The following SLC9A4 variants were observed in gnomAD, a reference collection of about 807,000 sequenced individuals.
The protein encoded by SLC9A4 is solute carrier family 9 member A4, also known as sodium/hydrogen exchanger 4.
A neutral mutation model predicts 67.4 loss-of-function variants in SLC9A4; 63 were observed. The ratio of observed to expected loss-of-function variants is 0.93; its 90% CI spans 0.76 to 1.15. The LOEUF (loss-of-function observed/expected upper bound fraction) is 1.15. Ranked by LOEUF, SLC9A4 falls within the 50% of genes most tolerant of loss-of-function variation. SLC9A4 has a pLI of 0.00. For missense variants in SLC9A4, 1,089 were observed against 987.7 expected (o/e 1.10, Z -1.38); for synonymous variants, 393 against 367.2 (o/e 1.07, Z -0.80).
chr2:102,528,128 C>T (rs1674703295), intron 11 of SLC9A4, among the ~76,000 whole-genome samples: 1 of 152,132 alleles, frequency 6.6e-6, no homozygotes, highest in Admixed American at 6.6e-5. Context: ...CTGGCTCAGC[C>T]TCCCGAGTAG....
chr2:102,495,919 C>T (rs1270896483), intron 2 of SLC9A4, among the ~76,000 whole-genome samples: 4 of 151,912 alleles, frequency 2.6e-5, no homozygotes, highest in African/African-American at 4.8e-5. Context: ...TGGAAGAAAA[C>T]ATGGAAGTAA....
chr2:102,517,307 T>C (rs1685294389), intron 8 of SLC9A4, among the ~76,000 whole-genome samples: 1 of 152,190 alleles, frequency 6.6e-6, no homozygotes, highest in Admixed American at 6.5e-5. Context: ...TCTTAGCTGC[T>C]TAAAAAAAGA....
In SLC9A4 at chr2:102,505,269, A is replaced by T. The variant is rs1685026623; in HGVS notation, c.996A>T (p.Ala332=). The part of the protein sequence containing the change: ...LSGILAITAC[A]VTMKKYVEEN... ...CCTTTTATAGAATCACAGCCTGCGC[A>T]GTAACAATGAAAAAGTACGTGGAAG... Residue 332 remains alanine, a synonymous_variant, in exon 4 of 12, where the codon GCA becomes GCT. Coordinates refer to ENST00000295269, the MANE Select transcript of SLC9A4 (RefSeq NM_001011552.4). 1 of 1,614,122 alleles carries T rather than the reference A, an allele frequency of 6.2e-7. No homozygotes were observed. The highest frequency in any genetic ancestry group is 1.1e-5 in the South Asian group (1 of 91,052).
At chr2:102,492,090 A>G (rs1684714792) in intron 2 of SLC9A4, among the ~76,000 whole-genome samples, 1 of 152,248 alleles carries the variant, frequency 6.6e-6, no homozygotes, top group African/African-American at 2.4e-5. Flanking sequence ...GGTCTTGGGC[A>G]GCTCTGCCCC....
At chr2:102,499,918 T>C (rs982473676) in intron 2 of SLC9A4, among the ~76,000 whole-genome samples, 1 of 152,238 alleles carries the variant, frequency 6.6e-6, no homozygotes, top group Non-Finnish European at 1.5e-5. Flanking sequence ...AAATTATTTG[T>C]GCTCTGAGAG....
intron 4 of SLC9A4, among the ~76,000 whole-genome samples, chr2:102,506,819 C>T (rs1685060391): frequency 6.6e-6 from 1 of 152,122 alleles, no homozygotes; most frequent in African/African-American, 2.4e-5. Context: ...CATTGTTAAT[C>T]CTTCATGATC....
chr2:102,479,293 C>T lies in SLC9A4; in HGVS notation c.711C>T (p.Gly237=). ...TTGGGGAGGCCCTGCTCAATGATGG[C>T]ATTACTGTGGTGAGATGTCATGTGC... is the stretch of plus-strand genomic sequence containing the variant. ...MIFGEALLND[G]ITVVLYNMLI... The change falls in exon 2 of 12, where the codon GGC becomes GGT. Residue 237 remains glycine (G), a synonymous_variant. Coordinates refer to ENST00000295269, the MANE Select transcript of SLC9A4 (RefSeq NM_001011552.4). 1.2e-6 allele frequency: 2 copies of T among 1,608,504 alleles called. No homozygotes were observed. The highest frequency in any genetic ancestry group is 2.2e-5 in the East Asian group (1 of 44,802).
intron 2 of SLC9A4, among the ~76,000 whole-genome samples, chr2:102,492,417 C>T (rs557141711): frequency 3.3e-5 from 5 of 152,242 alleles, no homozygotes; most frequent in African/African-American, 9.6e-5. Context: ...GGCAGAGGTT[C>T]CCAAACCTCA....
intron 10 of SLC9A4, among the ~76,000 whole-genome samples, 172 bp downstream of exon 10, chr2:102,525,327 C>A (rs1472074300): frequency 6.6e-6 from 1 of 152,044 alleles, no homozygotes; most frequent in Non-Finnish European, 1.5e-5. Flanking sequence ...CCAGAGCAAC[C>A]TTTTTCTCTG....
intron 2 of SLC9A4, among the ~76,000 whole-genome samples, chr2:102,492,651 G>A (rs1158478145): frequency 6.6e-6 from 1 of 152,182 alleles, no homozygotes; most frequent in Non-Finnish European, 1.5e-5. Flanking sequence ...TAGGCCTCCA[G>A]CCATGTGATG....
chr2:102,515,419 A>AT (rs1487310360), intron 8 of SLC9A4, among the ~76,000 whole-genome samples: 152 of 148,302 alleles, frequency 1.0e-3, no homozygotes, highest in African/African-American at 2.9e-3. Context: ...ATCCCTGAGG[A>AT]TATCTCAGTA....
At chr2:102,501,277 A>G (rs1214826172) in intron 2 of SLC9A4, among the ~76,000 whole-genome samples, 3 of 92,764 alleles carry the variant, frequency 3.2e-5, no homozygotes, top group Non-Finnish European at 7.0e-5. Flanking sequence ...ACATGCCACC[A>G]TGGCTGGCTA....
Position 102,483,841 on chromosome 2 carries a change from T to TACACAC in SLC9A4, c.720+4545_720+4550dup, listed in dbSNP as rs34552153. ...ATATATATATATATATATATATATATACACACACACAATATACACACACAT... is the reference window on the plus strand; with the variant it reads ...ATATATATATATATATATATATATATACACACACACACACACAATATACACACACAT... On this transcript the variant is annotated intron_variant, in intron 2 of 11. Coordinates refer to ENST00000295269, the MANE Select transcript of SLC9A4 (RefSeq NM_001011552.4). Among the ~76,000 whole-genome samples the TACACAC allele has an allele frequency of 8.4e-3, 1,061 of 126,364 alleles. 26 individuals are homozygous for TACACAC. Among genetic ancestry groups the TACACAC allele is most frequent in the African/African-American group, 0.012 (399 of 32,106 alleles). The allele number at this position is 126,364 out of a possible 152,430, so 82.9% of individuals were successfully genotyped here.
intron 2 of SLC9A4, among the ~76,000 whole-genome samples, chr2:102,479,749 A>G (rs1421369610): frequency 6.6e-6 from 1 of 152,202 alleles, no homozygotes; most frequent in Non-Finnish European, 1.5e-5. Flanking sequence ...AGGTGAAATA[A>G]AAGATAAGGG....
Position 102,532,813 on chromosome 2 carries a change from G to T in SLC9A4, c.*125G>T. 9.6e-7 allele frequency: 1 copy of T among 1,040,252 alleles called. No homozygotes were observed. Among genetic ancestry groups the T allele is most frequent in the East Asian group, 2.5e-5 (1 of 39,972 alleles). 64.4% of individuals were successfully genotyped at this position (1,040,252 alleles called of 1,614,324 possible). A position where few individuals can be genotyped will look rare whatever the true frequency, so the allele number is the denominator to read the frequency against. On this transcript the variant is annotated 3_prime_UTR_variant, in exon 12 of 12. Coordinates refer to ENST00000295269, the MANE Select transcript of SLC9A4 (RefSeq NM_001011552.4). ...TGCTGTGTTGAAGCTATTAAACATGGATCTATAAGCAGCAGGAAGATTTTT... is the reference window on the plus strand; with the variant it reads ...TGCTGTGTTGAAGCTATTAAACATGTATCTATAAGCAGCAGGAAGATTTTT...
intron 11 of SLC9A4, among the ~76,000 whole-genome samples, chr2:102,531,051 A>G (rs376371257): frequency 1.4e-5 from 2 of 145,274 alleles, no homozygotes; most frequent in African/African-American, 5.1e-5. Context: ...TAAATATAAA[A>G]TACCTAAATT....
chr2:102,510,535 C>T (rs2104438693), intron 6 of SLC9A4, among the ~76,000 whole-genome samples: 1 of 152,170 alleles, frequency 6.6e-6, no homozygotes, highest in East Asian at 1.9e-4. Flanking sequence ...GGTCATCTCC[C>T]TTAAGACAAC....
At chr2:102,501,669 G>A (rs7593935) in intron 2 of SLC9A4, among the ~76,000 whole-genome samples, 107,493 of 151,708 alleles carry the variant, frequency 0.71, 38,796 homozygotes, top group Middle Eastern at 0.77. Context: ...GCTTCCTGCA[G>A]GCTGCAGACC....
At chr2:102,528,195 AC>A (rs1225426414) in intron 11 of SLC9A4, among the ~76,000 whole-genome samples, 9 of 151,918 alleles carry the variant, frequency 5.9e-5, no homozygotes, top group African/African-American at 1.7e-4. Context: ...TTCAGTGGAG[AC>A]GGGGTTTCAC....
Sources: allele counts gnomAD v4.1 joint callset (sites outside exome capture counted in the v4.1 genomes callset), GRCh38; gene constraint gnomAD v4.1.1; transcripts MANE v1.5; gene names NCBI Gene and HGNC (gene_info 2026-07-23, HGNC 2026-07-21).